The following PTPRT variants were observed in gnomAD, a reference collection of about 807,000 sequenced individuals.
The protein encoded by PTPRT is protein tyrosine phosphatase receptor type T, also known as receptor-type tyrosine-protein phosphatase T.
PTPRT carries 56 observed loss-of-function variants against 176.8 expected under a neutral mutation model. The observed-to-expected ratio is 0.32, with a 90% CI of 0.26 to 0.40. PTPRT has a LOEUF of 0.40. Among genes scored for constraint, PTPRT ranks in the 10% least tolerant of loss-of-function variants. The probability of loss-of-function intolerance (pLI) is 1.00; values close to 1 mark genes in which losing one functional copy is unlikely to be tolerated. For synonymous variants in PTPRT, 783 were observed against 739.0 expected, an observed-to-expected ratio of 1.06 and a Z score of -0.96; for missense variants, 1,540 against 1,908.2, an observed-to-expected ratio of 0.81 and a Z score of 3.60.
intron 7 of PTPRT, among the ~76,000 whole-genome samples, chr20:42,533,266 C>G (rs2145550607): frequency 6.6e-6 from 1 of 152,314 alleles, no homozygotes; most frequent in Admixed American, 6.5e-5. Context: ...GGCATTTGGA[C>G]TGGACTGTTC....
chr20:42,195,959 G>T (rs768051985), intron 16 of PTPRT, among the ~76,000 whole-genome samples: 1 of 152,004 alleles, frequency 6.6e-6, no homozygotes, highest in Admixed American at 6.6e-5. Flanking sequence ...TCATCTTAAG[G>T]GTCTAAGTTT....
chr20:42,340,246 T>C (rs1399180547), intron 11 of PTPRT, among the ~76,000 whole-genome samples: 1 of 152,156 alleles, frequency 6.6e-6, no homozygotes, highest in Non-Finnish European at 1.5e-5. Context: ...TATTGGACAG[T>C]GTAAGTCTAA....
Position 42,409,481 on chromosome 20 carries a change from C to CAAAAAAAAAAAAAAA in PTPRT, c.1560+38724_1560+38738dup, listed in dbSNP as rs58932390. Among the ~76,000 whole-genome samples the CAAAAAAAAAAAAAAA allele has an allele frequency of 5.3e-5, 6 of 112,166 alleles. 1 individual carries two copies. The highest frequency in any genetic ancestry group is 1.8e-4 in the Admixed American group (2 of 10,890). 73.6% of individuals were successfully genotyped at this position (112,166 alleles called of 152,430 possible). A position where few individuals can be genotyped will look rare whatever the true frequency, so the allele number is the denominator to read the frequency against. Reference sequence around the variant, plus strand: ...TGGGCAACAGAACGAGACTCTGTCGCAAAAAAAAAAAAAAAAAAAAAAAAA... The same window carrying CAAAAAAAAAAAAAAA: ...TGGGCAACAGAACGAGACTCTGTCGCAAAAAAAAAAAAAAAAAAAAAAAAAAAAAAAAAAAAAAAA... On this transcript the variant is annotated intron_variant, in intron 9 of 30. Coordinates refer to ENST00000373187, the MANE Select transcript of PTPRT (RefSeq NM_007050.6).
chr20:42,706,729 T>C (rs991604129), intron 6 of PTPRT, among the ~76,000 whole-genome samples: 3 of 152,320 alleles, frequency 2.0e-5, no homozygotes, highest in South Asian at 2.1e-4. Flanking sequence ...TTATGTGCCA[T>C]ACAGAATCTT....
chr20:43,006,259 A>G (rs952849228), intron 1 of PTPRT, among the ~76,000 whole-genome samples: 2 of 152,262 alleles, frequency 1.3e-5, no homozygotes, highest in African/African-American at 4.8e-5. Flanking sequence ...CCCCATGAGT[A>G]TAACCTTTAC....
chr20:42,995,577 G>A (rs1196270814), intron 1 of PTPRT, among the ~76,000 whole-genome samples: 1 of 152,096 alleles, frequency 6.6e-6, no homozygotes, highest in Non-Finnish European at 1.5e-5. Context: ...AGTGAGGACA[G>A]GCAAGCACCC....
chr20:43,047,502 G>C (rs2425567), intron 1 of PTPRT, among the ~76,000 whole-genome samples: 43,290 of 151,814 alleles, frequency 0.29, 6,750 homozygotes, highest in East Asian at 0.41. Context: ...TCACTCTTGG[G>C]GGGCAGGAAA....
intron 1 of PTPRT, among the ~76,000 whole-genome samples, chr20:43,144,404 A>G (rs2014106690): frequency 6.6e-6 from 1 of 152,074 alleles, no homozygotes; most frequent in Non-Finnish European, 1.5e-5. Flanking sequence ...CTTCCTCCTA[A>G]CAGGTTCTCA....
At chr20:42,588,787 A>G (rs975679319) in intron 7 of PTPRT, among the ~76,000 whole-genome samples, 1 of 152,152 alleles carries the variant, frequency 6.6e-6, no homozygotes, top group African/African-American at 2.4e-5. Flanking sequence ...CAGAAACAAG[A>G]GCAACAGTAA....
intron 6 of PTPRT, among the ~76,000 whole-genome samples, chr20:42,688,957 G>T (rs2075746338): frequency 6.6e-6 from 1 of 152,180 alleles, no homozygotes; most frequent in Non-Finnish European, 1.5e-5. Flanking sequence ...AGCTATAGAA[G>T]AAAGTGATAC....
At chr20:42,700,808 C>T (rs921363556) in intron 6 of PTPRT, among the ~76,000 whole-genome samples, 5 of 152,138 alleles carry the variant, frequency 3.3e-5, no homozygotes, top group African/African-American at 1.2e-4. Flanking sequence ...TTTCCACCTA[C>T]TATAACTGGA....
chr20:42,623,058 C>T (rs2145863571), intron 7 of PTPRT, among the ~76,000 whole-genome samples: 1 of 152,264 alleles, frequency 6.6e-6, no homozygotes, highest in East Asian at 1.9e-4. Flanking sequence ...AATCATCTTC[C>T]CACTCCATTC....
At chr20:42,593,765 T>C (rs1344682262) in intron 7 of PTPRT, among the ~76,000 whole-genome samples, 2 of 152,236 alleles carry the variant, frequency 1.3e-5, no homozygotes, top group Non-Finnish European at 2.9e-5. Context: ...TAAGCTATCT[T>C]GGAACTGTTT....
In PTPRT at chr20:42,512,935, C is replaced by A. The variant is rs533418585; in HGVS notation, c.1154-40373G>T. On this transcript the variant is annotated intron_variant, in intron 7 of 30. Coordinates refer to ENST00000373187, the MANE Select transcript of PTPRT (RefSeq NM_007050.6). ...AGTGCAATGGCATGATCTTGGCTCACCACAACCTCCGCCTCCTGGGTTCAA... is the reference window on the plus strand; with the variant it reads ...AGTGCAATGGCATGATCTTGGCTCAACACAACCTCCGCCTCCTGGGTTCAA... 1.2e-3 allele frequency among the ~76,000 whole-genome samples: 186 copies of A among 152,228 alleles called. 1 individual carries two copies. Among genetic ancestry groups the A allele is most frequent in the Non-Finnish European group, 1.6e-3 (110 of 68,008 alleles).
intron 13 of PTPRT, among the ~76,000 whole-genome samples, chr20:42,279,505 G>T (rs941452689): frequency 1.3e-5 from 2 of 152,078 alleles, no homozygotes; most frequent in Non-Finnish European, 2.9e-5. Context: ...TCAGACTTTG[G>T]ACCTCCAGAA....
the PTPRT span, among the ~76,000 whole-genome samples, chr20:42,037,602 G>A: frequency 7.2e-3 from 1,103 of 152,260 alleles, 14 homozygotes; most frequent in African/African-American, 0.025. Context: ...AATGACAGTC[G>A]TTTCTACTGG....
chr20:42,696,617 G>A (rs868208821), intron 6 of PTPRT, among the ~76,000 whole-genome samples: 7 of 151,728 alleles, frequency 4.6e-5, no homozygotes, highest in South Asian at 4.2e-4. Context: ...TACCACACCC[G>A]GCTAATTTTT....
At chr20:43,134,617 T>C (rs1243601173) in intron 1 of PTPRT, among the ~76,000 whole-genome samples, 1 of 152,214 alleles carries the variant, frequency 6.6e-6, no homozygotes, top group East Asian at 1.9e-4. Context: ...CAAGACCCCA[T>C]TGCAGTAGTC....
At chr20:42,812,427 C>G (rs971549716) in intron 2 of PTPRT, among the ~76,000 whole-genome samples, 1 of 152,050 alleles carries the variant, frequency 6.6e-6, no homozygotes. Flanking sequence ...CTCTAATCTA[C>G]TTTCTATCTC....
Sources: gnomAD v4.1 joint callset for allele counts (sites outside exome capture counted in the v4.1 genomes callset) on GRCh38, gnomAD v4.1.1 for gene constraint, MANE v1.5 for transcripts, NCBI Gene and HGNC (gene_info 2026-07-23, HGNC 2026-07-21) for gene names.